QSOX2: variants seen among roughly 807,000 people sequenced by gnomAD.
QSOX2 encodes the protein quiescin sulfhydryl oxidase 2.
In QSOX2, 46 loss-of-function variants were observed where a neutral mutation model predicts 61.7. The observed-to-expected ratio is 0.75, with a 90% CI of 0.59 to 0.95. The LOEUF is 0.95. Among genes scored for constraint, QSOX2 ranks in the 40% least tolerant of loss-of-function variants. QSOX2 has a pLI of 0.00. For synonymous variants in QSOX2, 383 were observed against 388.4 expected, an observed-to-expected ratio of 0.99 and a Z score of 0.16; for missense variants, 879 against 918.9, an observed-to-expected ratio of 0.96 and a Z score of 0.56.
In QSOX2 at chr9:136,208,734, G is replaced by A. The variant is rs746969388; in HGVS notation, c.2091C>T (p.Ala697=). 2.6e-5 allele frequency: 41 copies of A among 1,603,324 alleles called. No individual in the cohort carries two copies. Among genetic ancestry groups the A allele is most frequent in the African/African-American group, 9.4e-5 (7 of 74,780 alleles). Residue 697 remains alanine (A), a synonymous_variant, in exon 12 of 12, where the codon GCC becomes GCT. Coordinates refer to ENST00000358701, the MANE Select transcript of QSOX2 (RefSeq NM_181701.4). The part of the protein sequence containing the change: ...RRWKVKHHHP[A]V ...GCTGGCAGCACCCGGGCACTCACAC[G>A]GCCGGGTGGTGGTGCTTGACCTTCC...
intron 1 of QSOX2, among the ~76,000 whole-genome samples, chr9:136,244,402 C>A (rs1018818429): frequency 3.9e-5 from 6 of 152,150 alleles, no homozygotes; most frequent in Non-Finnish European, 7.4e-5. Context: ...CAGTAACATA[C>A]AAAAGCCCTA....
intron 1 of QSOX2, among the ~76,000 whole-genome samples, chr9:136,241,699 A>C (rs1830434755): frequency 6.6e-6 from 1 of 152,012 alleles, no homozygotes; most frequent in Non-Finnish European, 1.5e-5. Context: ...GCGCCCCCGC[A>C]CTCCTGAGGA....
intron 9 of QSOX2, 105 bp downstream of exon 9, chr9:136,216,495 C>G: frequency 1.4e-6 from 2 of 1,472,458 alleles, no homozygotes; most frequent in African/African-American, 1.4e-5. Context: ...CCCTTCCTCA[C>G]AGCGGAGCCC....
intron 1 of QSOX2, among the ~76,000 whole-genome samples, chr9:136,236,869 C>G (rs897075678): frequency 1.4e-5 from 2 of 147,860 alleles, no homozygotes; most frequent in Admixed American, 6.7e-5. Flanking sequence ...TTGTGCCACA[C>G]CTGGAGCCCT....
rs569684375 is a variant in QSOX2, at chr9:136,222,663, G to T, written c.676-722C>A. ...ACTGGTCTCTGCTCTGGGCCATGCC[G>T]TGACTCTGTGCTGAAGAGCACTCCT... On this transcript the variant is annotated intron_variant, in intron 5 of 11. Transcript: ENST00000358701. This position sits in a 1 kb window ranked among gnomAD's most constrained non-coding sequence, Gnocchi z 6.9. 1.3e-5 allele frequency among the ~76,000 whole-genome samples: 2 copies of T among 152,096 alleles called. No individual in the cohort carries two copies. Among genetic ancestry groups the T allele is most frequent in the South Asian group, 4.1e-4 (2 of 4,834 alleles).
chr9:136,225,658 C>T (rs1174264075), intron 2 of QSOX2, among the ~76,000 whole-genome samples: 1 of 152,252 alleles, frequency 6.6e-6, no homozygotes, highest in Admixed American at 6.5e-5. Context: ...GCTTCTCTCC[C>T]AGCCTCAGCT....
chr9:136,245,701 G>A lies in QSOX2; in HGVS notation c.103C>T (p.Arg35Trp). Reference protein sequence around the residue: ...SPPPRAARLPRLLVLLAAAAV... With the variant: ...SPPPRAARLPWLLVLLAAAAV... ...GCCGCCGCTAGCAGCACTAGCAGCC[G>A]CGGCAGCCGTGCGGCCCGCGGCGGG... The change falls in exon 1 of 12, where the codon CGG (arginine) becomes TGG (tryptophan). Residue 35 changes from arginine (R) to tryptophan (W), a missense_variant. Physicochemically the swap from Arg to Trp is moderately radical, Grantham distance 101. Transcript: ENST00000358701. 13 of 1,159,600 alleles carry A rather than the reference G, an allele frequency of 1.1e-5. No individual in the cohort carries two copies. Among genetic ancestry groups the A allele is most frequent in the Non-Finnish European group, 1.4e-5 (13 of 943,746 alleles). The allele number at this position is 1,159,600 out of a possible 1,614,324, so 71.8% of individuals were successfully genotyped here.
chr9:136,218,616 C>A, intron 8 of QSOX2, 63 bp downstream of exon 8: 3 of 1,558,324 alleles, frequency 1.9e-6, no homozygotes, highest in Non-Finnish European at 2.6e-6. Flanking sequence ...CCGACGCCCC[C>A]CAGGGCCCAC....
chr9:136,226,773 C>G lies in QSOX2; in HGVS notation c.429+1G>C, dbSNP rs1275432944. The G allele has an allele frequency of 6.2e-7, 1 of 1,613,048 alleles. No individual in the cohort carries two copies. On this transcript the variant is annotated splice_donor_variant, in intron 2 of 11. Coordinates refer to ENST00000358701, the MANE Select transcript of QSOX2 (RefSeq NM_181701.4). LOFTEE classifies it high-confidence loss of function. ...CGGACAAGCAGCCGCGTGATACTCA[C>G]CCGGAAGGTGGGGTAGAAGTGGATG...
In QSOX2 at chr9:136,223,954, C is replaced by A; in HGVS notation, c.584+53G>T. On this transcript the variant is annotated intron_variant, in intron 4 of 11. Transcript: ENST00000358701. This position sits in a 1 kb window ranked among gnomAD's most constrained non-coding sequence, Gnocchi z 4.4. ...CACTTAATAGAAACCTATTACGTTT[C>A]TTGCACAGTTCAACACGAGTCTAAC... 1 of 1,580,980 alleles carries A rather than the reference C, an allele frequency of 6.3e-7. No homozygotes were observed. The highest frequency in any genetic ancestry group is 8.7e-7 in the Non-Finnish European group (1 of 1,150,868).
intron 1 of QSOX2, 43 bp from the exon 2 acceptor site, chr9:136,226,917 C>T: frequency 6.4e-7 from 1 of 1,563,864 alleles, no homozygotes; most frequent in Non-Finnish European, 8.8e-7. Flanking sequence ...GAGCACTGGA[C>T]TCCCGGGAAG....
chr9:136,229,429 G>A (rs980585416), intron 1 of QSOX2, among the ~76,000 whole-genome samples: 15 of 152,178 alleles, frequency 9.9e-5, no homozygotes, highest in African/African-American at 3.1e-4. Flanking sequence ...TCATTTCTGT[G>A]GCCTTTTATC....
chr9:136,210,907 A>G, intron 11 of QSOX2: 1 of 985,168 alleles, frequency 1.0e-6, no homozygotes, highest in African/African-American at 1.7e-5. Context: ...TACTACTAAA[A>G]TTCCTCATCA....
chr9:136,237,347 TTGGAGCCTGTCCTGTGCCACACC>T (rs1291599951), intron 1 of QSOX2, among the ~76,000 whole-genome samples: 1 of 62,888 alleles, frequency 1.6e-5, no homozygotes, highest in African/African-American at 6.4e-5. Flanking sequence ...CCGGCGTCAC[TTGGAGCCTGTCCTGTGCCACACC>T]TGGAGCCCAT....
chr9:136,216,565 G>C, intron 9 of QSOX2, 35 bp downstream of exon 9: 2 of 1,609,258 alleles, frequency 1.2e-6, no homozygotes, highest in South Asian at 2.2e-5. Context: ...AGGGAAGGAG[G>C]GTGCAGCGTG....
At chr9:136,219,246 C>T in intron 6 of QSOX2, 82 bp from the exon 7 acceptor site, 1 of 1,489,364 alleles carries the variant, frequency 6.7e-7, no homozygotes, top group Admixed American at 2.2e-5. Context: ...CAGGACAGCT[C>T]TGGGCCACCC....
At chr9:136,212,911 A>C (rs2131050035) in intron 10 of QSOX2, among the ~76,000 whole-genome samples, 1 of 152,334 alleles carries the variant, frequency 6.6e-6, no homozygotes, top group East Asian at 1.9e-4. Context: ...CTACTCCTGG[A>C]GGCTGCTTCC....
In QSOX2 at chr9:136,208,568, G is replaced by A. The variant is rs1455570734; in HGVS notation, c.*160C>T. On this transcript the variant is annotated 3_prime_UTR_variant, in exon 12 of 12. Coordinates refer to ENST00000358701, the MANE Select transcript of QSOX2 (RefSeq NM_181701.4). ...CGTGTTCTTCCCTTGTTAGAAGAGC[G>A]TTTGTAAAACCAGGACTTTGAAGCC... The A allele has an allele frequency of 6.4e-6, 5 of 775,382 alleles. No homozygotes were observed. Among genetic ancestry groups the A allele is most frequent in the Admixed American group, 3.2e-5 (1 of 31,090 alleles). 48.0% of individuals were successfully genotyped at this position (775,382 alleles called of 1,614,324 possible). A position where few individuals can be genotyped will look rare whatever the true frequency, so the allele number is the denominator to read the frequency against.
At chr9:136,211,150 A>T in intron 11 of QSOX2, 114 bp downstream of exon 11, 1 of 1,158,458 alleles carries the variant, frequency 8.6e-7, no homozygotes, top group Non-Finnish European at 1.2e-6. Context: ...AGTGGGTGGC[A>T]CGAGGCCGCA....
Sources: gnomAD v4.1 joint callset for allele counts (sites outside exome capture counted in the v4.1 genomes callset) on GRCh38, gnomAD v4.1.1 for gene constraint, Gnocchi (gnomAD v3.1) non-coding constraint, MANE v1.5 for transcripts, NCBI Gene and HGNC (gene_info 2026-07-23, HGNC 2026-07-21) for gene names.